PTN: variants seen among roughly 807,000 people sequenced by gnomAD.
PTN encodes the protein pleiotrophin.
A neutral mutation model predicts 24.1 loss-of-function variants in PTN; 18 were observed. The observed-to-expected ratio is 0.75, with a 90% confidence interval of 0.52 to 1.11. The LOEUF (loss-of-function observed/expected upper bound fraction) is 1.11, where lower values mean the gene tolerates loss of function less well. Ranked by LOEUF, PTN falls within the 50% of genes least tolerant of loss-of-function variation. The probability of loss-of-function intolerance (pLI) is 0.00; values close to 1 mark genes in which losing one functional copy is unlikely to be tolerated. For missense variants in PTN, 163 were observed against 198.8 expected (o/e 0.82, Z 1.08); for synonymous variants, 78 against 68.6 (o/e 1.14, Z -0.67).
chr7:137,254,800 A>G, intron 2 of PTN, 59 bp downstream of exon 2: 1 of 1,173,854 alleles, frequency 8.5e-7, no homozygotes, highest in Non-Finnish European at 1.2e-6. Flanking sequence ...AAAGCAGGTA[A>G]TTAGACTAGA....
At chr7:137,245,362 T>C (rs965508034) in intron 4 of PTN, among the ~76,000 whole-genome samples, 1 of 152,340 alleles carries the variant, frequency 6.6e-6, no homozygotes, top group East Asian at 1.9e-4. Flanking sequence ...GTGTTCCCAT[T>C]AGGGTACAGT....
At chr7:137,277,159 C>T (rs1490627815) in intron 1 of PTN, among the ~76,000 whole-genome samples, 1 of 152,156 alleles carries the variant, frequency 6.6e-6, no homozygotes, top group Non-Finnish European at 1.5e-5. Context: ...AGAAGACACA[C>T]AGATGGCAAA....
chr7:137,245,082 A>T (rs1808700013), intron 4 of PTN, among the ~76,000 whole-genome samples: 1 of 152,282 alleles, frequency 6.6e-6, no homozygotes, highest in South Asian at 2.1e-4. Flanking sequence ...AAAGAGTATG[A>T]TTTTCACACT....
At chr7:137,289,989 G>C (rs1389118388) in intron 1 of PTN, among the ~76,000 whole-genome samples, 1 of 152,158 alleles carries the variant, frequency 6.6e-6, no homozygotes, top group Non-Finnish European at 1.5e-5. Context: ...AGACATACTG[G>C]AGACCAGGCA....
intron 1 of PTN, among the ~76,000 whole-genome samples, chr7:137,267,959 A>G (rs1180279236): frequency 6.6e-6 from 1 of 151,280 alleles, no homozygotes; most frequent in Non-Finnish European, 1.5e-5. Flanking sequence ...CAATCCTGTC[A>G]AGCAATTCAA....
chr7:137,287,077 T>C (rs1488458813), intron 1 of PTN, among the ~76,000 whole-genome samples: 1 of 152,228 alleles, frequency 6.6e-6, no homozygotes, highest in East Asian at 1.9e-4. Context: ...CCCTCATTCG[T>C]GTTTCATGAA....
chr7:137,254,066 G>A (rs1204386561), intron 2 of PTN, among the ~76,000 whole-genome samples: 2 of 152,074 alleles, frequency 1.3e-5, no homozygotes, highest in Admixed American at 6.5e-5. Context: ...TTGGGAGGTC[G>A]AAGCAGGCAG....
chr7:137,297,438 A>C (rs1809736252), intron 1 of PTN, among the ~76,000 whole-genome samples: 1 of 152,114 alleles, frequency 6.6e-6, no homozygotes. Flanking sequence ...GGATAATTTC[A>C]TGAATGCATT....
intron 1 of PTN, among the ~76,000 whole-genome samples, chr7:137,264,262 C>G (rs1252332740): frequency 6.6e-6 from 1 of 152,096 alleles, no homozygotes; most frequent in Non-Finnish European, 1.5e-5. Flanking sequence ...TTTAGAGTCC[C>G]GGTACACTTA....
intron 4 of PTN, 138 bp from the exon 5 acceptor site, chr7:137,228,213 G>C (rs1453280931): frequency 1.1e-5 from 7 of 623,946 alleles, no homozygotes; most frequent in African/African-American, 3.7e-5. Context: ...AGTTCTCTTG[G>C]TAAACTGAGA....
chr7:137,266,197 G>A (rs1374551018), intron 1 of PTN, among the ~76,000 whole-genome samples: 1 of 152,086 alleles, frequency 6.6e-6, no homozygotes, highest in Non-Finnish European at 1.5e-5. Flanking sequence ...CAGAAAAACT[G>A]GATGATACTT....
chr7:137,312,594 A>G (rs1810001406), intron 1 of PTN, among the ~76,000 whole-genome samples: 1 of 152,070 alleles, frequency 6.6e-6, no homozygotes, highest in African/African-American at 2.4e-5. Context: ...TTTCTTTACC[A>G]TTCCTCCACC....
chr7:137,292,701 A>T (rs1809657286), intron 1 of PTN, among the ~76,000 whole-genome samples: 1 of 152,194 alleles, frequency 6.6e-6, no homozygotes, highest in African/African-American at 2.4e-5. Context: ...TGTATTGTTT[A>T]GGGAATAATG....
intron 1 of PTN, among the ~76,000 whole-genome samples, chr7:137,297,189 T>C (rs941823444): frequency 6.6e-6 from 1 of 152,100 alleles, no homozygotes; most frequent in African/African-American, 2.4e-5. Flanking sequence ...ACATGATCAT[T>C]TTTTTTCCAA....
intron 1 of PTN, among the ~76,000 whole-genome samples, chr7:137,314,826 C>T (rs1454405094): frequency 6.6e-6 from 1 of 152,158 alleles, no homozygotes; most frequent in African/African-American, 2.4e-5. Context: ...GACTCCTGAC[C>T]TCATGATCCG....
intron 1 of PTN, among the ~76,000 whole-genome samples, chr7:137,269,448 T>C (rs539129753): frequency 6.2e-4 from 95 of 152,234 alleles, no homozygotes; most frequent in Non-Finnish European, 1.1e-3. Context: ...TGTCTCATGT[T>C]GCTTCTCTCT....
chr7:137,236,304 C>T (rs759344270), intron 4 of PTN: 2 of 701,358 alleles, frequency 2.9e-6, no homozygotes, highest in Non-Finnish European at 5.2e-6. Flanking sequence ...ATTCAGGATG[C>T]ACTTTCTTTA....
rs116940505 is a variant in PTN at position 137,303,902 on chromosome 7, T to C, written c.-2+39537A>G. On this transcript the variant is annotated intron_variant, in intron 1 of 4. Transcript: ENST00000348225. ...AAGTCTGTAAGAAGTGACAATAAAT[T>C]GCATATGTTGCATTCCCCACAACAC... 3.6e-3 allele frequency among the ~76,000 whole-genome samples: 548 copies of C among 152,076 alleles called. 14 individuals carry two copies. The highest frequency in any genetic ancestry group is 0.024 in the Admixed American group (370 of 15,254).
intron 1 of PTN, among the ~76,000 whole-genome samples, chr7:137,307,683 T>C (rs1044580501): frequency 2.0e-5 from 3 of 152,132 alleles, no homozygotes; most frequent in Non-Finnish European, 4.4e-5. Flanking sequence ...GTAATCCATT[T>C]TGTTGTTTTC....
Sources: allele counts gnomAD v4.1 joint callset (sites outside exome capture counted in the v4.1 genomes callset), GRCh38; gene constraint gnomAD v4.1.1; transcripts MANE v1.5; gene names NCBI Gene and HGNC (gene_info 2026-07-23, HGNC 2026-07-21).